The following POU2AF1 variants were observed in gnomAD, a reference collection of about 807,000 sequenced individuals.
The protein encoded by POU2AF1 is POU class 2 homeobox associating factor 1.
POU2AF1 carries 12 observed loss-of-function variants against 26.3 expected under a neutral mutation model. The ratio of observed to expected loss-of-function variants is 0.46; its 90% confidence interval spans 0.29 to 0.74. POU2AF1 has a LOEUF of 0.74. Ranked by LOEUF, POU2AF1 falls within the 30% of genes least tolerant of loss-of-function variation. The pLI, the probability that POU2AF1 is intolerant of heterozygous loss-of-function variation, is 0.09. For synonymous variants in POU2AF1, 175 were observed against 148.0 expected, an observed-to-expected ratio of 1.18 and a Z score of -1.32; for missense variants, 297 against 334.5, an observed-to-expected ratio of 0.89 and a Z score of 0.87.
chr11:111,374,815 T>A (rs1861278022), intron 1 of POU2AF1, among the ~76,000 whole-genome samples: 1 of 152,238 alleles, frequency 6.6e-6, no homozygotes, highest in African/African-American at 2.4e-5. Flanking sequence ...TCCAGAAACC[T>A]AAATTACCTC....
chr11:111,370,254 C>A (rs1396320720), intron 1 of POU2AF1, among the ~76,000 whole-genome samples: 1 of 152,144 alleles, frequency 6.6e-6, no homozygotes, highest in East Asian at 1.9e-4. Context: ...TTATGAAAGA[C>A]ATTGGAGAAG....
At chr11:111,354,717 G>A (rs1213639935) in intron 4 of POU2AF1, 142 bp from the exon 5 acceptor site, 2 of 752,880 alleles carry the variant, frequency 2.7e-6, no homozygotes, top group African/African-American at 1.8e-5. Flanking sequence ...ACCTCCTCCT[G>A]CTCAAAGTCT....
intron 4 of POU2AF1, among the ~76,000 whole-genome samples, chr11:111,356,246 C>A (rs546789372): frequency 1.3e-5 from 2 of 152,214 alleles, no homozygotes; most frequent in Non-Finnish European, 2.9e-5. Flanking sequence ...ACCCTCACCC[C>A]AGGCCTCTGA....
chr11:111,379,127 C>T (rs200147053), intron 1 of POU2AF1, 35 bp downstream of exon 1: 3 of 1,613,772 alleles, frequency 1.9e-6, no homozygotes, highest in South Asian at 1.1e-5. Context: ...CGCTGGCACT[C>T]GCTTGGGTCT....
chr11:111,359,126 C>T, intron 1 of POU2AF1: 3 of 770,342 alleles, frequency 3.9e-6, no homozygotes, highest in Non-Finnish European at 6.1e-6. Flanking sequence ...ACAACGAAGG[C>T]CCAGCTCCTT....
intron 2 of POU2AF1, 74 bp downstream of exon 2, chr11:111,358,714 T>G (rs1860939807): frequency 2.0e-6 from 3 of 1,499,184 alleles, no homozygotes; most frequent in Non-Finnish European, 2.7e-6. Context: ...ACACATACAC[T>G]CTCACACTAT....
At chr11:111,360,507 CA>C (rs1487619689) in intron 1 of POU2AF1, among the ~76,000 whole-genome samples, 1 of 152,168 alleles carries the variant, frequency 6.6e-6, no homozygotes, top group Admixed American at 6.5e-5. Flanking sequence ...AAATGAGTCC[CA>C]GGGGCAGATG....
At chr11:111,359,901 C>T (rs1437227700) in intron 1 of POU2AF1, 2 of 517,624 alleles carry the variant, frequency 3.9e-6, no homozygotes, top group East Asian at 1.1e-4. Flanking sequence ...ACCTCTCCTA[C>T]ACCTTTAGGA....
chr11:111,365,844 C>T (rs909472281), intron 1 of POU2AF1, among the ~76,000 whole-genome samples: 2 of 136,546 alleles, frequency 1.5e-5, no homozygotes, highest in African/African-American at 5.5e-5. Flanking sequence ...GCGACAGGAG[C>T]GAAACTCCAT....
At chr11:111,369,171 A>G (rs1002231397) in intron 1 of POU2AF1, among the ~76,000 whole-genome samples, 12 of 152,190 alleles carry the variant, frequency 7.9e-5, no homozygotes, top group Non-Finnish European at 4.4e-5. Context: ...GGGCTGGTAA[A>G]AGACTTCGCT....
At chr11:111,360,252 T>C (rs570541891) in intron 1 of POU2AF1, among the ~76,000 whole-genome samples, 1 of 152,170 alleles carries the variant, frequency 6.6e-6, no homozygotes, top group South Asian at 2.1e-4. Flanking sequence ...AGGGAGCCCA[T>C]TATTATCCAC....
At chr11:111,363,936 T>C (rs889663582) in intron 1 of POU2AF1, 2 of 985,280 alleles carry the variant, frequency 2.0e-6, no homozygotes, top group African/African-American at 3.5e-5. Context: ...TCGGCCCTGA[T>C]TGGAGATCTC....
intron 4 of POU2AF1, among the ~76,000 whole-genome samples, chr11:111,355,960 G>T (rs942140365): frequency 7.9e-5 from 12 of 152,132 alleles, no homozygotes; most frequent in Non-Finnish European, 4.4e-5. Context: ...TCATAAACCT[G>T]TAACTATAGG....
chr11:111,360,317 T>C (rs1487899876), intron 1 of POU2AF1, among the ~76,000 whole-genome samples: 3 of 152,154 alleles, frequency 2.0e-5, no homozygotes, highest in African/African-American at 7.2e-5. Flanking sequence ...AGCCTAGGTA[T>C]CTGTTAAACC....
At chr11:111,370,457 T>A (rs1022690815) in intron 1 of POU2AF1, among the ~76,000 whole-genome samples, 4 of 152,084 alleles carry the variant, frequency 2.6e-5, no homozygotes, top group African/African-American at 9.7e-5. Context: ...CTAGCAGGGA[T>A]CTTGCTAAAA....
intron 1 of POU2AF1, among the ~76,000 whole-genome samples, chr11:111,375,819 GC>G (rs1418964501): frequency 2.0e-5 from 3 of 152,192 alleles, no homozygotes; most frequent in Non-Finnish European, 4.4e-5. Flanking sequence ...TTTGTATGCT[GC>G]ACAGTCTCTG....
intron 1 of POU2AF1, among the ~76,000 whole-genome samples, chr11:111,370,106 T>C (rs1459687037): frequency 3.3e-5 from 5 of 152,200 alleles, no homozygotes; most frequent in Non-Finnish European, 5.9e-5. Flanking sequence ...AGGCTCATGG[T>C]GGCCTGGGGT....
intron 1 of POU2AF1, among the ~76,000 whole-genome samples, chr11:111,370,985 T>C (rs1861199252): frequency 1.3e-5 from 2 of 152,202 alleles, no homozygotes; most frequent in African/African-American, 2.4e-5. Context: ...AGATGGTTGA[T>C]TTTCCTTCTA....
At chr11:111,373,492 T>C (rs920322523) in intron 1 of POU2AF1, among the ~76,000 whole-genome samples, 3 of 152,228 alleles carry the variant, frequency 2.0e-5, no homozygotes, top group African/African-American at 7.2e-5. Context: ...CCTAAGCAGA[T>C]AGAAGAATCC....
Sources: allele counts gnomAD v4.1 joint callset (sites outside exome capture counted in the v4.1 genomes callset), GRCh38; gene constraint gnomAD v4.1.1; transcripts MANE v1.5; gene names NCBI Gene and HGNC (gene_info 2026-07-23, HGNC 2026-07-21).